Variants in FLRT1 observed in about 807,000 individuals in gnomAD.
FLRT1 encodes the protein leucine-rich repeat transmembrane protein FLRT1.
Under a neutral mutation model 30.9 loss-of-function variants are expected in FLRT1, and 14 were observed. The observed-to-expected ratio is 0.45, with a 90% CI of 0.30 to 0.71. The LOEUF (loss-of-function observed/expected upper bound fraction) is 0.71. Ranked by LOEUF, FLRT1 falls within the 30% of genes least tolerant of loss-of-function variation. The pLI, the probability that FLRT1 is intolerant of heterozygous loss-of-function variation, is 0.08. For missense variants in FLRT1, 737 were observed against 949.2 expected (o/e 0.78, Z 2.94); for synonymous variants, 368 against 430.4 (o/e 0.85, Z 1.80).
At chr11:64,049,512 G>C (rs952336699) in intron 1 of FLRT1, among the ~76,000 whole-genome samples, 2 of 152,210 alleles carry the variant, frequency 1.3e-5, no homozygotes, top group Non-Finnish European at 1.5e-5. Flanking sequence ...CCTTCCCCAG[G>C]CCACACCTCC....
At chr11:64,055,147 C>T (rs374761370) in intron 1 of FLRT1, among the ~76,000 whole-genome samples, 1 of 152,344 alleles carries the variant, frequency 6.6e-6, no homozygotes, top group East Asian at 1.9e-4. Context: ...CTTTAGTTGT[C>T]CCCAGATCCA....
At chr11:64,051,570 C>T (rs1943695970) in intron 1 of FLRT1, among the ~76,000 whole-genome samples, 1 of 152,226 alleles carries the variant, frequency 6.6e-6, no homozygotes, top group African/African-American at 2.4e-5. Context: ...GAGACTAAAT[C>T]TGTCCGGGTC....
chr11:64,088,467 A>G (rs1351664768), intron 1 of FLRT1, among the ~76,000 whole-genome samples: 1 of 152,146 alleles, frequency 6.6e-6, no homozygotes, highest in Non-Finnish European at 1.5e-5. Context: ...GGGGCAGGGC[A>G]GGCGCTCAGG....
intron 1 of FLRT1, among the ~76,000 whole-genome samples, chr11:64,089,469 C>T (rs571402238): frequency 6.6e-6 from 1 of 152,348 alleles, no homozygotes; most frequent in African/African-American, 2.4e-5. Flanking sequence ...GGATTCAACA[C>T]AGGTGTGGGT....
At chr11:64,116,171 C>T (rs1010361528) in intron 2 of FLRT1, 48 bp from the exon 3 acceptor site, 34 of 1,497,734 alleles carry the variant, frequency 2.3e-5, no homozygotes, top group Non-Finnish European at 2.7e-5. Flanking sequence ...CTCCTGGGGT[C>T]GCTGTCGCCG....
At position 64,090,593 on chromosome 11, in the gene FLRT1, T is replaced by C. The variant is rs567646194; in HGVS notation, c.-1037-12601T>C. 6.6e-6 allele frequency among the ~76,000 whole-genome samples: 1 copy of C among 152,310 alleles called. No homozygotes were observed. The highest frequency in any genetic ancestry group is 2.4e-5 in the African/African-American group (1 of 41,572). Reference sequence around the variant, plus strand: ...CCGGGATGAGGCAGGAAGTGGAGGCTGTGGCCAGCCATCGCCGCAGGAGGG... The same window carrying C: ...CCGGGATGAGGCAGGAAGTGGAGGCCGTGGCCAGCCATCGCCGCAGGAGGG... On this transcript the variant is annotated intron_variant, in intron 1 of 2. Coordinates refer to ENST00000682287, the MANE Select transcript of FLRT1 (RefSeq NM_013280.5). The surrounding 1 kb of genome is among the most constrained non-coding windows in gnomAD (Gnocchi z 4.7).
At chr11:64,094,562 G>A (rs1298571269) in intron 1 of FLRT1, among the ~76,000 whole-genome samples, 2 of 152,148 alleles carry the variant, frequency 1.3e-5, no homozygotes, top group South Asian at 4.1e-4. Flanking sequence ...AAGGCCTCCT[G>A]AGTCATCCAT....
At chr11:64,083,507 C>T (rs1426503903) in intron 1 of FLRT1, among the ~76,000 whole-genome samples, 1 of 152,206 alleles carries the variant, frequency 6.6e-6, no homozygotes, top group African/African-American at 2.4e-5. Context: ...CTTCGGGTGC[C>T]TGGCTTTTTT....
At chr11:64,052,573 G>A (rs986961170) in intron 1 of FLRT1, among the ~76,000 whole-genome samples, 7 of 152,178 alleles carry the variant, frequency 4.6e-5, no homozygotes, top group African/African-American at 1.7e-4. Context: ...CTCCTCACCC[G>A]CTGCTCTTGG....
intron 1 of FLRT1, among the ~76,000 whole-genome samples, chr11:64,078,881 G>A (rs1051679313): frequency 6.6e-6 from 1 of 152,352 alleles, no homozygotes; most frequent in East Asian, 1.9e-4. Context: ...AGGGGACAGC[G>A]AGAACTCAGA....
intron 1 of FLRT1, among the ~76,000 whole-genome samples, chr11:64,071,859 G>A (rs779334793): frequency 2.0e-5 from 3 of 152,190 alleles, no homozygotes; most frequent in Admixed American, 6.5e-5. Context: ...GCTGTGGGCC[G>A]TGGGCAGTAG....
chr11:64,069,362 G>A (rs1040473321), intron 1 of FLRT1, among the ~76,000 whole-genome samples: 1 of 152,184 alleles, frequency 6.6e-6, no homozygotes, highest in Non-Finnish European at 1.5e-5. Context: ...AGAGGATGGG[G>A]GTCTCTCTCT....
rs1025190722 is a variant in FLRT1, at chr11:64,081,833, A to G, written c.-1037-21361A>G. 1.2e-4 allele frequency: 18 copies of G among 151,856 alleles called. 1 individual carries two copies. The highest frequency in any genetic ancestry group is 1.5e-5 in the Non-Finnish European group (1 of 67,986). The allele number at this position is 151,856 out of a possible 1,614,324, so 9.4% of individuals were successfully genotyped here. A position where few individuals can be genotyped will look rare whatever the true frequency, so the allele number is the denominator to read the frequency against. On this transcript the variant is annotated intron_variant, in intron 1 of 2. Transcript: ENST00000682287. Reference sequence around the variant, plus strand: ...GAGAGGTCCGGGTCCGTTCTCCCCAATTCACAGACATGAAGACTGAGGCCG... The same window carrying G: ...GAGAGGTCCGGGTCCGTTCTCCCCAGTTCACAGACATGAAGACTGAGGCCG...
rs891797665 is a variant in FLRT1 at position 64,096,596 on chromosome 11, A to G, written c.-1037-6598A>G. 6.6e-6 allele frequency among the ~76,000 whole-genome samples: 1 copy of G among 151,730 alleles called. No homozygotes were observed. Among genetic ancestry groups the G allele is most frequent in the African/African-American group, 2.4e-5 (1 of 41,282 alleles). ...ACGCCCAGCTAATTTTTTTATTTTTAGTAGACACGGGGGTATCAACATGTT... is the reference window on the plus strand; with the variant it reads ...ACGCCCAGCTAATTTTTTTATTTTTGGTAGACACGGGGGTATCAACATGTT... On this transcript the variant is annotated intron_variant, in intron 1 of 2. Transcript: ENST00000682287. This position sits in a 1 kb window ranked among gnomAD's most constrained non-coding sequence, Gnocchi z 4.6.
intron 1 of FLRT1, among the ~76,000 whole-genome samples, chr11:64,037,741 G>A (rs1324999208): frequency 6.6e-6 from 1 of 152,168 alleles, no homozygotes; most frequent in African/African-American, 2.4e-5. Context: ...CAGCATGGAG[G>A]CTCCGTAGCC....
chr11:64,054,339 A>G (rs1190127226), intron 1 of FLRT1, among the ~76,000 whole-genome samples: 1 of 152,216 alleles, frequency 6.6e-6, no homozygotes, highest in Non-Finnish European at 1.5e-5. Context: ...CAAGTTTGCA[A>G]AGGAAAGAAG....
At chr11:64,050,052 G>A (rs979603176) in intron 1 of FLRT1, among the ~76,000 whole-genome samples, 14 of 152,280 alleles carry the variant, frequency 9.2e-5, no homozygotes, top group Middle Eastern at 3.4e-3. Flanking sequence ...GTGATGATGA[G>A]GGTGATGGCC....
intron 1 of FLRT1, among the ~76,000 whole-genome samples, chr11:64,079,095 G>A (rs1413626556): frequency 6.6e-6 from 1 of 150,754 alleles, no homozygotes; most frequent in Non-Finnish European, 1.5e-5. Flanking sequence ...CTGTCTCCTG[G>A]CAAGAGATGG....
At chr11:64,065,779 G>A (rs1259741669) in intron 1 of FLRT1, among the ~76,000 whole-genome samples, 1 of 129,382 alleles carries the variant, frequency 7.7e-6, no homozygotes, top group South Asian at 2.5e-4. Context: ...GACAGAGCAC[G>A]ACTCCGCCTC....
Sources: allele counts gnomAD v4.1 joint callset (sites outside exome capture counted in the v4.1 genomes callset), GRCh38; gene constraint gnomAD v4.1.1; non-coding constraint Gnocchi (gnomAD v3.1); transcripts MANE v1.5; gene names NCBI Gene and HGNC (gene_info 2026-07-23, HGNC 2026-07-21).